The following ZGPAT variants were observed in gnomAD, a reference collection of about 807,000 sequenced individuals.
The protein encoded by ZGPAT is zinc finger CCCH-type with G patch domain-containing protein.
In ZGPAT, 39 loss-of-function variants were observed where a neutral mutation model predicts 47.9. That is an observed-to-expected ratio of 0.81 (90% CI 0.63 to 1.06). ZGPAT has a LOEUF of 1.06. ZGPAT is among the 50% of genes least tolerant of loss of function. The pLI, the probability that ZGPAT is intolerant of heterozygous loss-of-function variation, is 0.00. For missense variants in ZGPAT, 717 were observed against 681.4 expected, an observed-to-expected ratio of 1.05 and a Z score of -0.58; for synonymous variants, 348 against 292.9, an observed-to-expected ratio of 1.19 and a Z score of -1.92.
chr20:63,734,387 A>G, intron 4 of ZGPAT: 1 of 435,092 alleles, frequency 2.3e-6, no homozygotes, highest in Non-Finnish European at 4.1e-6. Context: ...TGAGGCGCTC[A>G]CAGCCTCGCG....
chr20:63,729,808 C>T (rs1365329985), intron 2 of ZGPAT, among the ~76,000 whole-genome samples: 1 of 152,050 alleles, frequency 6.6e-6, no homozygotes, highest in Non-Finnish European at 1.5e-5. Flanking sequence ...ATTACATGAG[C>T]CCAGGAGTTC....
chr20:63,716,962 A>G (rs1225164325), intron 2 of ZGPAT, among the ~76,000 whole-genome samples: 7 of 152,098 alleles, frequency 4.6e-5, no homozygotes, highest in African/African-American at 1.2e-4. Flanking sequence ...GATTATAGGC[A>G]TGAGCCACCA....
At position 63,713,378 on chromosome 20, in the gene ZGPAT, C is replaced by A. The variant is rs112334082; in HGVS notation, c.584+4214C>A. On this transcript the variant is annotated intron_variant, in intron 2 of 6. Transcript: ENST00000355969. ...CCTGAGTCGCTGGGAATACAGGTGC[C>A]TGCCACCACGCCCAGCTAATTTTTT... Among the ~76,000 whole-genome samples the A allele has an allele frequency of 2.5e-3, 376 of 152,086 alleles. 2 individuals carry two copies. The highest frequency in any genetic ancestry group is 8.7e-3 in the African/African-American group (362 of 41,520).
chr20:63,729,325 C>T (rs916482472), intron 2 of ZGPAT, among the ~76,000 whole-genome samples: 7 of 152,158 alleles, frequency 4.6e-5, no homozygotes, highest in Admixed American at 1.3e-4. Context: ...CCACCGCTCC[C>T]GGCCCATATT....
intron 4 of ZGPAT, 56 bp downstream of exon 4, chr20:63,733,795 C>T (rs2091947817): frequency 6.4e-7 from 1 of 1,558,478 alleles, no homozygotes; most frequent in Non-Finnish European, 8.7e-7. Flanking sequence ...CCCTGAGAGG[C>T]TCCTGGCCGG....
chr20:63,719,503 C>T (rs1320201542), intron 2 of ZGPAT, among the ~76,000 whole-genome samples: 1 of 151,992 alleles, frequency 6.6e-6, no homozygotes. Flanking sequence ...ATTCAGCTGA[C>T]CTGTCCTCAA....
chr20:63,719,360 GTTTC>G (rs762099381), intron 2 of ZGPAT, among the ~76,000 whole-genome samples: 40 of 152,210 alleles, frequency 2.6e-4, no homozygotes, highest in African/African-American at 7.2e-4. Context: ...TACTAGTTTT[GTTTC>G]TTTCTGTCTG....
At chr20:63,723,340 GCTCCATCCTCCCTTCTCCTATGACA>G (rs2091809117) in intron 2 of ZGPAT, among the ~76,000 whole-genome samples, 1 of 117,656 alleles carries the variant, frequency 8.5e-6, no homozygotes, top group African/African-American at 3.4e-5. Flanking sequence ...CTATGACACA[GCTCCATCCTCCCTTCTCCTATGACA>G]CAGCTCCATC....
intron 5 of ZGPAT, 26 bp downstream of exon 5, chr20:63,734,850 T>C (rs1464431707): frequency 1.9e-6 from 3 of 1,550,370 alleles, no homozygotes; most frequent in Non-Finnish European, 2.6e-6. Context: ...CCTGGAGAAG[T>C]GGGCAGGCTG....
At chr20:63,707,795 A>G (rs893434415), upstream of ZGPAT, 10 of 152,248 alleles carry the variant, frequency 6.6e-5, no homozygotes, top group Non-Finnish European at 1.3e-4. Flanking sequence ...GGCTCCTGTC[A>G]CACCCGCGTC....
chr20:63,735,551 C>A lies in ZGPAT; in HGVS notation c.1384C>A (p.Arg462Ser), dbSNP rs760288064. The change falls in exon 6 of 7, where the codon CGC (arginine) becomes AGC (serine). Residue 462 changes from arginine (R) to serine (S), a missense_variant. Physicochemically the swap from Arg to Ser is moderately radical, Grantham distance 110. Transcript: ENST00000355969. ...CAGGAGCATCCAGGAGGCTCTCGCC[C>A]GCAACGCTGGCCGGTACGTGTGGGG... ...DIRSIQEALA[R>S]NAGRHSVASA... The A allele has an allele frequency of 6.6e-7, 1 of 1,515,066 alleles. No homozygotes were observed. The highest frequency in any genetic ancestry group is 8.8e-7 in the Non-Finnish European group (1 of 1,132,998). 93.9% of individuals were successfully genotyped at this position (1,515,066 alleles called of 1,614,324 possible).
At chr20:63,715,833 T>TAGAG (rs35733523) in intron 2 of ZGPAT, among the ~76,000 whole-genome samples, 110 of 150,722 alleles carry the variant, frequency 7.3e-4, no homozygotes, top group Admixed American at 3.5e-3. Context: ...CAATCATATA[T>TAGAG]AGAGAGAGAG....
intron 2 of ZGPAT, among the ~76,000 whole-genome samples, chr20:63,719,027 C>A (rs905627198): frequency 4.0e-5 from 6 of 148,762 alleles, no homozygotes; most frequent in Non-Finnish European, 8.9e-5. Context: ...GATCACACCA[C>A]TGTACTCCAG....
intron 6 of ZGPAT, 53 bp from the exon 7 acceptor site, chr20:63,735,727 TG>T (rs2091981761): frequency 7.7e-6 from 12 of 1,550,858 alleles, no homozygotes; most frequent in African/African-American, 1.4e-5. Context: ...TACGGCAGAC[TG>T]GGGTTGGTGG....
intron 2 of ZGPAT, among the ~76,000 whole-genome samples, chr20:63,717,317 T>C (rs1273444236): frequency 1.3e-5 from 2 of 150,082 alleles, no homozygotes; most frequent in Admixed American, 6.7e-5. Context: ...TGATTTGAGA[T>C]CTCTTTTTTC....
intron 2 of ZGPAT, among the ~76,000 whole-genome samples, chr20:63,721,101 T>A (rs1399467559): frequency 1.3e-5 from 2 of 152,088 alleles, no homozygotes; most frequent in Admixed American, 1.3e-4. Context: ...CCTGTAATGC[T>A]AGGACTTTGG....
rs565115796 is a variant in ZGPAT, at chr20:63,732,831, CCT to C, written c.585-387_585-386del. Among the ~76,000 whole-genome samples the C allele has an allele frequency of 1.8e-3, 271 of 148,036 alleles. 1 individual carries two copies. The highest frequency in any genetic ancestry group is 6.5e-3 in the African/African-American group (260 of 39,926). The stretch of plus-strand genomic sequence containing the variant: ...GCGTGTGTATGTGTACTTGTGTGTG[CCT>C]GTGTGAGTGCATGTGTGTGTACATG... On this transcript the variant is annotated intron_variant, in intron 2 of 6. Transcript: ENST00000355969.
chr20:63,708,736 C>T lies in ZGPAT; in HGVS notation c.156C>T (p.Ala52=), dbSNP rs2091608439. ...AGGAGCTCATCGAGCTCACCGAGGC[C>T]AGCCTGGTGTCTGTCAGGAAGAGCA... The part of the protein sequence containing the change: ...DLKELIELTE[A]SLVSVRKSSL... Residue 52 remains alanine, a synonymous_variant, in exon 2 of 7, where the codon GCC becomes GCT. Transcript: ENST00000355969. 1 of 1,612,662 alleles carries T rather than the reference C, an allele frequency of 6.2e-7. No individual in the cohort carries two copies. Among genetic ancestry groups the T allele is most frequent in the South Asian group, 1.1e-5 (1 of 91,082 alleles).
intron 2 of ZGPAT, among the ~76,000 whole-genome samples, chr20:63,729,587 TG>T (rs1307164073): frequency 1.3e-5 from 2 of 152,162 alleles, no homozygotes; most frequent in African/African-American, 4.8e-5. Flanking sequence ...GCTTTCTGTG[TG>T]AGGGGGGGCT....
Sources: gnomAD v4.1 joint callset for allele counts (sites outside exome capture counted in the v4.1 genomes callset) on GRCh38, gnomAD v4.1.1 for gene constraint, MANE v1.5 for transcripts, NCBI Gene and HGNC (gene_info 2026-07-23, HGNC 2026-07-21) for gene names.